CELF2: variants seen among roughly 807,000 people sequenced by gnomAD.
The protein encoded by CELF2 is CUG triplet repeat RNA-binding protein 2.
Under a neutral mutation model 62.6 loss-of-function variants are expected in CELF2, and 8 were observed. That is an observed-to-expected ratio of 0.13 (90% CI 0.07 to 0.23). CELF2 has a LOEUF of 0.23. Among genes scored for constraint, CELF2 ranks in the 10% least tolerant of loss-of-function variants. CELF2 has a pLI of 1.00. For synonymous variants in CELF2, 258 were observed against 250.0 expected, an observed-to-expected ratio of 1.03 and a Z score of -0.30; for missense variants, 333 against 671.0, an observed-to-expected ratio of 0.50 and a Z score of 5.56.
intron 1 of CELF2, chr10:10,919,948 T>C (rs1236839953): frequency 8.1e-7 from 1 of 1,230,522 alleles, no homozygotes; most frequent in East Asian, 3.2e-5. Context: ...TTATCTTCTT[T>C]TTCTCCTTCC....
intron 1 of CELF2, among the ~76,000 whole-genome samples, chr10:10,905,872 C>T (rs2063299261): frequency 7.0e-6 from 1 of 143,156 alleles, no homozygotes; most frequent in African/African-American, 2.6e-5. Flanking sequence ...AGCAAGGCTC[C>T]ATCTCAAAAA....
the CELF2 span, among the ~76,000 whole-genome samples, chr10:10,483,947 C>G: frequency 6.8e-6 from 1 of 147,502 alleles, no homozygotes; most frequent in Non-Finnish European, 1.5e-5. Context: ...GTCTCTCTCT[C>G]TCATCTCTCT....
chr10:10,840,084 AGTTT>A (rs1032612185), intron 1 of CELF2, among the ~76,000 whole-genome samples: 71 of 152,208 alleles, frequency 4.7e-4, no homozygotes, highest in African/African-American at 1.6e-3. Context: ...TGGATGTACT[AGTTT>A]GTTGGTTTCT....
At chr10:11,288,357 G>A (rs1488746547) in intron 8 of CELF2, 61 bp from the exon 9 acceptor site, 1 of 1,591,448 alleles carries the variant, frequency 6.3e-7, no homozygotes, top group Admixed American at 1.7e-5. Flanking sequence ...GCCTGCTCTT[G>A]TTTGGAAACT....
chr10:11,304,934 A>G (rs1391568461), intron 9 of CELF2, among the ~76,000 whole-genome samples: 1 of 152,236 alleles, frequency 6.6e-6, no homozygotes, highest in East Asian at 1.9e-4. Flanking sequence ...CTCTCCAAAC[A>G]TAGCCCTTAG....
intron 9 of CELF2, among the ~76,000 whole-genome samples, chr10:11,301,494 CCCCCCCACCCCGCTCCCACAGCA>C (rs1419168959): frequency 1.8e-3 from 21 of 11,514 alleles, no homozygotes; most frequent in African/African-American, 7.4e-3. Context: ...CCCTACCGCA[CCCCCCCACCCCGCTCCCACAGCA>C]CCCCCCACCC....
the CELF2 span, among the ~76,000 whole-genome samples, chr10:10,665,274 C>T: frequency 6.6e-6 from 1 of 152,064 alleles, no homozygotes; most frequent in Non-Finnish European, 1.5e-5. Context: ...AGAGCTATGC[C>T]GGCAAATTTG....
chr10:10,696,589 C>G, the CELF2 span, among the ~76,000 whole-genome samples: 1 of 151,950 alleles, frequency 6.6e-6, no homozygotes, highest in Non-Finnish European at 1.5e-5. Context: ...ATGGCGGGCG[C>G]CCCTCCCCCA....
At chr10:11,090,827 T>C (rs1474734739) in intron 1 of CELF2, among the ~76,000 whole-genome samples, 2 of 152,236 alleles carry the variant, frequency 1.3e-5, no homozygotes, top group Non-Finnish European at 2.9e-5. Flanking sequence ...CTGTCATCAA[T>C]GTTTAGGTGA....
intron 2 of CELF2, among the ~76,000 whole-genome samples, chr10:11,180,219 A>G (rs1045041636): frequency 6.6e-6 from 1 of 152,096 alleles, no homozygotes. Flanking sequence ...CCCTTTGGCT[A>G]CCAGATCAAA....
chr10:10,857,371 G>A (rs1010215813), intron 1 of CELF2, among the ~76,000 whole-genome samples: 1 of 151,860 alleles, frequency 6.6e-6, no homozygotes, highest in Non-Finnish European at 1.5e-5. Flanking sequence ...GACCACAAAA[G>A]AATTACTTCT....
At chr10:11,219,742 G>T (rs1226344755) in intron 3 of CELF2, among the ~76,000 whole-genome samples, 1 of 152,204 alleles carries the variant, frequency 6.6e-6, no homozygotes, top group Non-Finnish European at 1.5e-5. Flanking sequence ...GTCTTTGGTG[G>T]ACAGAAAGAA....
At chr10:11,326,073 G>A in intron 12 of CELF2, 94 bp downstream of exon 12, 1 of 1,256,824 alleles carries the variant, frequency 8.0e-7, no homozygotes, top group East Asian at 2.4e-5. Flanking sequence ...CCAGGATAGG[G>A]CCTTCCCCAC....
At chr10:10,829,556 A>C (rs2057680491) in intron 1 of CELF2, among the ~76,000 whole-genome samples, 1 of 152,216 alleles carries the variant, frequency 6.6e-6, no homozygotes, top group South Asian at 2.1e-4. Flanking sequence ...ATTTTATGGA[A>C]TTTGGACTTA....
At position 11,220,741 on chromosome 10, in the gene CELF2, C is replaced by G. The variant is rs2064621671; in HGVS notation, c.354+3234C>G. Reference sequence around the variant, plus strand: ...AAGGGATGAGAGTCTGGGAGTCCTTCCCTTGGTTTGATCACACATCTCCTC... The same window carrying G: ...AAGGGATGAGAGTCTGGGAGTCCTTGCCTTGGTTTGATCACACATCTCCTC... On this transcript the variant is annotated intron_variant, in intron 3 of 12. Coordinates refer to ENST00000633077, the MANE Select transcript of CELF2 (RefSeq NM_001326342.2). This position sits in a 1 kb window ranked among gnomAD's most constrained non-coding sequence, Gnocchi z 4.4. Among the ~76,000 whole-genome samples, 1 of 152,226 alleles carries G rather than the reference C, an allele frequency of 6.6e-6. No homozygotes were observed. The highest frequency in any genetic ancestry group is 1.5e-5 in the Non-Finnish European group (1 of 68,038).
chr10:10,548,712 A>G, the CELF2 span, among the ~76,000 whole-genome samples: 2 of 152,180 alleles, frequency 1.3e-5, no homozygotes, highest in African/African-American at 2.4e-5. Context: ...AAGTTATATA[A>G]TAGTCATAAA....
At chr10:10,699,650 C>T in the CELF2 span, among the ~76,000 whole-genome samples, 2 of 152,028 alleles carry the variant, frequency 1.3e-5, no homozygotes, top group African/African-American at 4.8e-5. Flanking sequence ...GAGGGGGATG[C>T]CTGACTGCAG....
At chr10:10,685,119 C>T in the CELF2 span, among the ~76,000 whole-genome samples, 1 of 152,092 alleles carries the variant, frequency 6.6e-6, no homozygotes, top group African/African-American at 2.4e-5. Context: ...AAACCCTATG[C>T]TTATTCTGTG....
At chr10:10,737,893 C>T in the CELF2 span, among the ~76,000 whole-genome samples, 2 of 152,234 alleles carry the variant, frequency 1.3e-5, no homozygotes, top group Admixed American at 6.5e-5. Context: ...AGCTAATGGA[C>T]TTCCAATGGC....
Sources: allele counts gnomAD v4.1 joint callset (sites outside exome capture counted in the v4.1 genomes callset), GRCh38; gene constraint gnomAD v4.1.1; non-coding constraint Gnocchi (gnomAD v3.1); transcripts MANE v1.5; gene names NCBI Gene and HGNC (gene_info 2026-07-23, HGNC 2026-07-21).